The following CNTNAP2 variants were observed in gnomAD, a reference collection of about 807,000 sequenced individuals.
CNTNAP2 encodes the protein contactin associated protein 2.
A neutral mutation model predicts 155.2 loss-of-function variants in CNTNAP2; 98 were observed. The observed-to-expected ratio is 0.63, with a 90% CI of 0.54 to 0.75. The LOEUF (loss-of-function observed/expected upper bound fraction) is 0.75. CNTNAP2 is among the 30% of genes least tolerant of loss of function. The probability of loss-of-function intolerance (pLI) is 0.00; values close to 1 mark genes in which losing one functional copy is unlikely to be tolerated. For missense variants in CNTNAP2, 1,727 were observed against 1,688.1 expected (o/e 1.02, Z -0.40); for synonymous variants, 651 against 631.2 (o/e 1.03, Z -0.47).
intron 18 of CNTNAP2, among the ~76,000 whole-genome samples, chr7:148,197,486 G>A (rs967889300): frequency 6.6e-6 from 1 of 152,114 alleles, no homozygotes; most frequent in African/African-American, 2.4e-5. Context: ...TTAAATCCCG[G>A]AAACGAAAGC....
intron 3 of CNTNAP2, among the ~76,000 whole-genome samples, chr7:146,967,327 T>C (rs994150925): frequency 7.9e-5 from 12 of 152,220 alleles, no homozygotes. Flanking sequence ...AAATAAAAGT[T>C]AATACTAATC....
At chr7:147,567,609 G>C (rs906174379) in intron 12 of CNTNAP2, among the ~76,000 whole-genome samples, 4 of 152,240 alleles carry the variant, frequency 2.6e-5, no homozygotes, top group Admixed American at 2.6e-4. Flanking sequence ...TGGCCAGACC[G>C]TTCCTGATGA....
chr7:146,461,415 A>AT (rs1300258468), intron 1 of CNTNAP2, among the ~76,000 whole-genome samples: 238 of 146,936 alleles, frequency 1.6e-3, no homozygotes, highest in African/African-American at 5.3e-3. Context: ...AAAAAAAAAA[A>AT]ATATAATAAT....
At chr7:146,728,690 A>T (rs1211487661) in intron 1 of CNTNAP2, among the ~76,000 whole-genome samples, 1 of 152,128 alleles carries the variant, frequency 6.6e-6, no homozygotes, top group African/African-American at 2.4e-5. Context: ...GTAGAAAAAA[A>T]GCACAGTCTG....
At chr7:146,687,462 TTGTC>T (rs1402368663) in intron 1 of CNTNAP2, among the ~76,000 whole-genome samples, 2 of 152,138 alleles carry the variant, frequency 1.3e-5, no homozygotes, top group African/African-American at 2.4e-5. Context: ...GTCCTCATCA[TTGTC>T]TGTGCCCCTT....
chr7:148,358,631 C>T (rs1004977413), intron 21 of CNTNAP2, among the ~76,000 whole-genome samples: 5 of 152,140 alleles, frequency 3.3e-5, no homozygotes, highest in African/African-American at 9.7e-5. Context: ...TAGAACAGGC[C>T]TCCCTTTTAA....
chr7:146,224,708 GCAGT>G, intron 1 of CNTNAP2, among the ~76,000 whole-genome samples: 1 of 152,180 alleles, frequency 6.6e-6, no homozygotes, highest in South Asian at 2.1e-4. Flanking sequence ...GGCGGAGCTT[GCAGT>G]GAGCTGAGAT....
chr7:147,423,523 T>C (rs1427879582), intron 10 of CNTNAP2, among the ~76,000 whole-genome samples: 1 of 152,152 alleles, frequency 6.6e-6, no homozygotes, highest in East Asian at 1.9e-4. Flanking sequence ...TCTATGGAAA[T>C]GTATAGACCC....
At chr7:146,947,384 TTCTC>T (rs66835656) in intron 3 of CNTNAP2, among the ~76,000 whole-genome samples, 1,481 of 128,358 alleles carry the variant, frequency 0.012, 15 homozygotes, top group East Asian at 0.022. Context: ...CCTTCTCTCT[TTCTC>T]TCTCTCTCTC....
intron 8 of CNTNAP2, among the ~76,000 whole-genome samples, chr7:147,282,573 TGAG>T (rs1161331435): frequency 6.6e-6 from 1 of 151,790 alleles, no homozygotes; most frequent in Non-Finnish European, 1.5e-5. Context: ...AGAATGAAGA[TGAG>T]GAAAGCCTGA....
intron 1 of CNTNAP2, among the ~76,000 whole-genome samples, chr7:146,489,125 A>G (rs1797101819): frequency 6.6e-6 from 1 of 152,158 alleles, no homozygotes; most frequent in Non-Finnish European, 1.5e-5. Flanking sequence ...TTTAATTACT[A>G]TCACCCAACA....
At chr7:146,691,522 A>C (rs1800696654) in intron 1 of CNTNAP2, among the ~76,000 whole-genome samples, 1 of 152,156 alleles carries the variant, frequency 6.6e-6, no homozygotes, top group Admixed American at 6.6e-5. Context: ...AGTAAAACGC[A>C]GAGTTGTATG....
chr7:148,373,485 C>T (rs2116644246), intron 21 of CNTNAP2, among the ~76,000 whole-genome samples: 1 of 152,216 alleles, frequency 6.6e-6, no homozygotes, highest in Admixed American at 6.5e-5. Flanking sequence ...AAGAAGTATA[C>T]TCTAAAATAA....
intron 15 of CNTNAP2, among the ~76,000 whole-genome samples, chr7:148,085,900 A>G (rs996235145): frequency 6.6e-6 from 1 of 152,186 alleles, no homozygotes; most frequent in Non-Finnish European, 1.5e-5. Context: ...AAATGAAGGA[A>G]ATGATACTAT....
At chr7:147,971,996 C>T (rs1801341904) in intron 14 of CNTNAP2, among the ~76,000 whole-genome samples, 1 of 152,156 alleles carries the variant, frequency 6.6e-6, no homozygotes, top group South Asian at 2.1e-4. Flanking sequence ...TCCAGTTTCT[C>T]CAAATCCTTG....
At chr7:146,540,346 A>G (rs1397181103) in intron 1 of CNTNAP2, among the ~76,000 whole-genome samples, 3 of 152,066 alleles carry the variant, frequency 2.0e-5, no homozygotes, top group African/African-American at 7.2e-5. Context: ...TATCTGCTCC[A>G]TGTCCCAAAC....
At chr7:147,087,519 A>T (rs1800303779) in intron 4 of CNTNAP2, among the ~76,000 whole-genome samples, 1 of 152,184 alleles carries the variant, frequency 6.6e-6, no homozygotes, top group Admixed American at 6.5e-5. Flanking sequence ...TTGGCCCTAT[A>T]AATATTGGCT....
At chr7:146,951,717 T>C (rs1303901002) in intron 3 of CNTNAP2, among the ~76,000 whole-genome samples, 2 of 152,192 alleles carry the variant, frequency 1.3e-5, no homozygotes, top group Non-Finnish European at 2.9e-5. Flanking sequence ...TAATTTGAAG[T>C]CAGGTAGTGT....
At chr7:147,132,786 G>T (rs1381143623) in intron 8 of CNTNAP2, among the ~76,000 whole-genome samples, 3 of 152,062 alleles carry the variant, frequency 2.0e-5, no homozygotes. Flanking sequence ...TAGATAAATT[G>T]CTCTTCTTTT....
Sources: gnomAD v4.1 joint callset for allele counts (sites outside exome capture counted in the v4.1 genomes callset) on GRCh38, gnomAD v4.1.1 for gene constraint, MANE v1.5 for transcripts, NCBI Gene and HGNC (gene_info 2026-07-23, HGNC 2026-07-21) for gene names.